COLEC11: variants seen among roughly 807,000 people sequenced by gnomAD.
The protein encoded by COLEC11 is collectin subfamily member 11, also known as collectin-11.
Under a neutral mutation model 27.3 loss-of-function variants are expected in COLEC11, and 20 were observed. The ratio of observed to expected loss-of-function variants is 0.73; its 90% confidence interval spans 0.51 to 1.06. COLEC11 has a LOEUF of 1.06. COLEC11 is among the 50% of genes least tolerant of loss of function. COLEC11 has a pLI of 0.00. For missense variants in COLEC11, 310 were observed against 383.0 expected, an observed-to-expected ratio of 0.81 and a Z score of 1.59; for synonymous variants, 163 against 154.7, an observed-to-expected ratio of 1.05 and a Z score of -0.40.
chr2:3,619,439 A>C (rs1213561531), intron 3 of COLEC11, among the ~76,000 whole-genome samples: 2 of 152,268 alleles, frequency 1.3e-5, no homozygotes, highest in East Asian at 3.9e-4. Context: ...GTTGAGGTGC[A>C]TTCTTTGTAT....
At chr2:3,614,426 C>T (rs1381423492) in intron 3 of COLEC11, among the ~76,000 whole-genome samples, 7 of 151,906 alleles carry the variant, frequency 4.6e-5, no homozygotes, top group African/African-American at 9.7e-5. Flanking sequence ...TTTTTTGAAA[C>T]GTTTTTGAGG....
intron 3 of COLEC11, among the ~76,000 whole-genome samples, chr2:3,616,682 A>G (rs935952565): frequency 2.6e-5 from 4 of 152,164 alleles, no homozygotes; most frequent in Admixed American, 6.5e-5. Context: ...CCAGGCAGGG[A>G]GGTTGCAGTG....
intron 2 of COLEC11, among the ~76,000 whole-genome samples, chr2:3,612,185 CACAT>C (rs1297496649): frequency 2.0e-5 from 3 of 152,202 alleles, no homozygotes; most frequent in East Asian, 3.9e-4. Flanking sequence ...CACACGCGCA[CACAT>C]ACACGTGCAC....
intron 1 of COLEC11, among the ~76,000 whole-genome samples, chr2:3,597,814 G>T (rs943445985): frequency 1.8e-4 from 27 of 152,224 alleles, no homozygotes; most frequent in Non-Finnish European, 3.5e-4. Flanking sequence ...AAATACTGCT[G>T]CTGAGGCAGG....
intron 1 of COLEC11, 152 bp from the exon 2 acceptor site, chr2:3,604,163 G>C: frequency 1.3e-6 from 1 of 781,968 alleles, no homozygotes; most frequent in Non-Finnish European, 2.2e-6. Context: ...CATGATTGGT[G>C]CTTGAGTGAG....
intron 3 of COLEC11, among the ~76,000 whole-genome samples, chr2:3,628,332 C>T (rs1245069978): frequency 1.3e-5 from 2 of 152,248 alleles, no homozygotes; most frequent in Non-Finnish European, 2.9e-5. Flanking sequence ...TGTTCTCTGC[C>T]TATCTATGGA....
chr2:3,615,387 T>A (rs1663587723), intron 3 of COLEC11, among the ~76,000 whole-genome samples: 1 of 152,206 alleles, frequency 6.6e-6, no homozygotes, highest in Non-Finnish European at 1.5e-5. Flanking sequence ...AAAGCACATC[T>A]TGCACCGCCC....
chr2:3,632,084 GCTC>G (rs1665053448), intron 3 of COLEC11, among the ~76,000 whole-genome samples: 1 of 152,214 alleles, frequency 6.6e-6, no homozygotes, highest in African/African-American at 2.4e-5. Context: ...TGCTCCTGAT[GCTC>G]GCTGTGACCC....
chr2:3,625,886 G>T (rs1664520090), intron 3 of COLEC11: 2 of 829,734 alleles, frequency 2.4e-6, no homozygotes, highest in Non-Finnish European at 4.1e-6. Context: ...GCCTACCTTG[G>T]CCTCCCAAAG....
chr2:3,635,440 C>T (rs1047453703), intron 3 of COLEC11, among the ~76,000 whole-genome samples: 4 of 152,326 alleles, frequency 2.6e-5, no homozygotes, highest in Non-Finnish European at 2.9e-5. Flanking sequence ...AGTCTGATCT[C>T]GCCGCCCTCT....
intron 1 of COLEC11, 132 bp from the exon 2 acceptor site, chr2:3,604,183 C>T: frequency 1.1e-6 from 1 of 949,322 alleles, no homozygotes; most frequent in East Asian, 2.4e-5. Flanking sequence ...GTGAGGAGCA[C>T]CCGCCATGGG....
intron 2 of COLEC11, among the ~76,000 whole-genome samples, chr2:3,607,200 A>G (rs1426003115): frequency 6.6e-6 from 1 of 151,982 alleles, no homozygotes; most frequent in Non-Finnish European, 1.5e-5. Context: ...TTGAGATGAC[A>G]TTTATTTGCC....
chr2:3,600,329 C>T (rs2147844815), intron 1 of COLEC11, among the ~76,000 whole-genome samples: 1 of 151,938 alleles, frequency 6.6e-6, no homozygotes, highest in Non-Finnish European at 1.5e-5. Flanking sequence ...CCGAGAGAGG[C>T]AGATCACTTC....
chr2:3,642,858 C>T (rs567328173), intron 5 of COLEC11, among the ~76,000 whole-genome samples: 36 of 152,308 alleles, frequency 2.4e-4, no homozygotes, highest in African/African-American at 7.5e-4. Context: ...TGTCCTCCCT[C>T]CCTGAGCCGT....
At chr2:3,603,044 C>T (rs929476840) in intron 1 of COLEC11, among the ~76,000 whole-genome samples, 1 of 152,216 alleles carries the variant, frequency 6.6e-6, no homozygotes, top group African/African-American at 2.4e-5. Flanking sequence ...TGTTTCTGAA[C>T]GAATGATTAA....
chr2:3,610,878 G>A (rs1663137290), intron 2 of COLEC11, among the ~76,000 whole-genome samples: 1 of 152,092 alleles, frequency 6.6e-6, no homozygotes, highest in African/African-American at 2.4e-5. Context: ...GAATTCTTAT[G>A]TCCATCTGAT....
At chr2:3,635,067 G>A (rs1377834106) in intron 3 of COLEC11, among the ~76,000 whole-genome samples, 1 of 106,122 alleles carries the variant, frequency 9.4e-6, no homozygotes, top group East Asian at 3.6e-4. Flanking sequence ...ACCGTCCCAT[G>A]ATGATCCCTC....
Position 3,635,574 on chromosome 2 carries a change from G to A in COLEC11, c.203-1959G>A, listed in dbSNP as rs569668535. Among the ~76,000 whole-genome samples, 12 of 152,264 alleles carry A rather than the reference G, an allele frequency of 7.9e-5. No homozygotes were observed. In the East Asian group the frequency reaches 2.3e-3, roughly 29 times the overall value. ...TGCCCCTTTTCTATTCCCTTCCCTC[G>A]CACGCACTGCAGTTGCTGGGCCGCT... On this transcript the variant is annotated intron_variant, in intron 3 of 6. Coordinates refer to ENST00000349077, the MANE Select transcript of COLEC11 (RefSeq NM_024027.5).
chr2:3,616,124 T>G (rs1663702453), intron 3 of COLEC11, among the ~76,000 whole-genome samples: 6 of 123,434 alleles, frequency 4.9e-5, no homozygotes, highest in Admixed American at 1.7e-4. Context: ...CCACACGGGG[T>G]CGTGGCTGGG....
Sources: gnomAD v4.1 joint callset for allele counts (sites outside exome capture counted in the v4.1 genomes callset) on GRCh38, gnomAD v4.1.1 for gene constraint, MANE v1.5 for transcripts, NCBI Gene and HGNC (gene_info 2026-07-23, HGNC 2026-07-21) for gene names.